The following YBEY variants were observed in gnomAD, a reference collection of about 807,000 sequenced individuals.
YBEY encodes endoribonuclease YbeY.
A neutral mutation model predicts 13.5 loss-of-function variants in YBEY; 15 were observed. That is an observed-to-expected ratio of 1.11 (90% CI 0.75 to 1.72). The LOEUF (loss-of-function observed/expected upper bound fraction) is 1.72, where lower values mean the gene tolerates loss of function less well. Among genes scored for constraint, YBEY ranks in the 40% most tolerant of loss-of-function variants. The pLI is 0.00. For synonymous variants in YBEY, 101 were observed against 83.1 expected, an observed-to-expected ratio of 1.21 and a Z score of -1.17; for missense variants, 244 against 208.4, an observed-to-expected ratio of 1.17 and a Z score of -1.05.
intron 4 of YBEY, among the ~76,000 whole-genome samples, chr21:46,296,645 C>G (rs940271497): frequency 6.6e-6 from 1 of 152,116 alleles, no homozygotes; most frequent in Non-Finnish European, 1.5e-5. Flanking sequence ...CACGCAAGCC[C>G]GTGTTGGGAG....
At chr21:46,298,434 C>CTTTTTTTTTTTTTTTTTTTTTTTTTTT (rs557264546), downstream of YBEY, among the ~76,000 whole-genome samples, 70 of 97,146 alleles carry the variant, frequency 7.2e-4, 16 homozygotes, top group Middle Eastern at 7.8e-3. Flanking sequence ...TTAATCCAAG[C>CTTTTTTTTTTTTTTTTTTTTTTTTTTT]TTTTTTTTTT....
intron 3 of YBEY, among the ~76,000 whole-genome samples, chr21:46,295,173 C>G (rs895084845): frequency 6.6e-6 from 1 of 152,136 alleles, no homozygotes; most frequent in African/African-American, 2.4e-5. Context: ...ATTTCTTCCT[C>G]GGGCCCAGAG....
downstream of YBEY, chr21:46,301,682 G>C: frequency 8.7e-7 from 1 of 1,144,220 alleles, no homozygotes; most frequent in African/African-American, 1.6e-5. Flanking sequence ...GGAAGAGGGG[G>C]ATCTGAGGCT....
At chr21:46,305,007 T>G in the YBEY span, among the ~76,000 whole-genome samples, 1 of 152,170 alleles carries the variant, frequency 6.6e-6, no homozygotes. Flanking sequence ...ACAGTCAGAC[T>G]CATAGAAACA....
chr21:46,313,052 GGAC>G, the YBEY span: 1 of 985,412 alleles, frequency 1.0e-6, no homozygotes, highest in East Asian at 1.1e-4. Flanking sequence ...TTCACAGAAA[GGAC>G]GGCAGAGACC....
chr21:46,303,707 AAATATATATATATATATATATAT>A, the YBEY span, among the ~76,000 whole-genome samples: 155 of 41,516 alleles, frequency 3.7e-3, 6 homozygotes, highest in African/African-American at 0.013. Context: ...CACACACACA[AAATATATATATATATATATATAT>A]ATATATATAT....
At chr21:46,303,689 C>G in the YBEY span, among the ~76,000 whole-genome samples, 1 of 114,270 alleles carries the variant, frequency 8.8e-6, no homozygotes, top group African/African-American at 3.2e-5. Context: ...CACACACACA[C>G]ACACACACAC....
intron 2 of YBEY, among the ~76,000 whole-genome samples, chr21:46,290,217 T>G (rs1004358264): frequency 6.6e-6 from 1 of 152,112 alleles, no homozygotes; most frequent in African/African-American, 2.4e-5. Flanking sequence ...TTCCTTTTTT[T>G]TTTTGAGACG....
chr21:46,300,934 C>T (rs1328662492), downstream of YBEY: 8 of 819,564 alleles, frequency 9.8e-6, no homozygotes, highest in African/African-American at 1.1e-4. Flanking sequence ...AGCCTGTCCA[C>T]ATGGTAAGAA....
chr21:46,298,434 C>CTTTCTTTTTTTTTTTT (rs2082018864), downstream of YBEY, among the ~76,000 whole-genome samples: 2 of 97,160 alleles, frequency 2.1e-5, no homozygotes, highest in Non-Finnish European at 4.3e-5. Flanking sequence ...TTAATCCAAG[C>CTTTCTTTTTTTTTTTT]TTTTTTTTTT....
downstream of YBEY, chr21:46,302,303 C>G (rs2082141351): frequency 1.5e-6 from 2 of 1,337,696 alleles, no homozygotes; most frequent in East Asian, 5.1e-5. Flanking sequence ...TCCCCCGCCC[C>G]AAATTGTGCA....
At chr21:46,302,004 G>A, downstream of YBEY, 1 of 1,531,658 alleles carries the variant, frequency 6.5e-7, no homozygotes, top group Admixed American at 2.1e-5. Context: ...CACACTCAGG[G>A]TGGGCCAGGC....
chr21:46,296,551 A>C (rs907495473), intron 4 of YBEY, among the ~76,000 whole-genome samples: 1 of 152,092 alleles, frequency 6.6e-6, no homozygotes, highest in Non-Finnish European at 1.5e-5. Context: ...CTCTGCGTGG[A>C]GTGAGTTCCG....
At chr21:46,292,256 C>G (rs535353384) in intron 3 of YBEY, 2 of 152,242 alleles carry the variant, frequency 1.3e-5, no homozygotes, top group African/African-American at 4.8e-5. Flanking sequence ...TCACAAATCT[C>G]GTGACCTCTG....
chr21:46,296,663 C>T (rs1292672277), intron 4 of YBEY, among the ~76,000 whole-genome samples: 2 of 152,194 alleles, frequency 1.3e-5, no homozygotes, highest in Non-Finnish European at 2.9e-5. Flanking sequence ...GAGCAAACTG[C>T]TTCTCTGAAA....
the YBEY span, among the ~76,000 whole-genome samples, chr21:46,311,092 G>C: frequency 6.6e-6 from 1 of 151,966 alleles, no homozygotes; most frequent in African/African-American, 2.4e-5. Flanking sequence ...GGCTGGTCTC[G>C]AACTCTTGAC....
the YBEY span, chr21:46,311,619 C>A: frequency 9.2e-7 from 1 of 1,083,890 alleles, no homozygotes; most frequent in South Asian, 1.5e-5. Flanking sequence ...AAGAAAGTGT[C>A]TCCAGTATCT....
downstream of YBEY, chr21:46,302,595 G>C: frequency 1.3e-6 from 2 of 1,595,150 alleles, no homozygotes; most frequent in Middle Eastern, 1.7e-4. Context: ...AAGAAGCAGG[G>C]GGACCCTGAA....
downstream of YBEY, chr21:46,302,249 T>C (rs1433507528): frequency 1.1e-5 from 16 of 1,432,098 alleles, no homozygotes; most frequent in East Asian, 4.1e-4. Context: ...TCCCATGTGA[T>C]AGGCAGGATG....
Sources: gnomAD v4.1 joint callset for allele counts (sites outside exome capture counted in the v4.1 genomes callset) on GRCh38, gnomAD v4.1.1 for gene constraint, MANE v1.5 for transcripts, NCBI Gene and HGNC (gene_info 2026-07-23, HGNC 2026-07-21) for gene names.